PDE8A: variants seen among roughly 807,000 people sequenced by gnomAD.
PDE8A encodes phosphodiesterase 8A, also known as high affinity cAMP-specific and IBMX-insensitive 3',5'-cyclic phosphodiesterase 8A.
Under a neutral mutation model 105.0 loss-of-function variants are expected in PDE8A, and 59 were observed. That is an observed-to-expected ratio of 0.56 (90% CI 0.46 to 0.70). The LOEUF (loss-of-function observed/expected upper bound fraction) is 0.70, where lower values mean the gene tolerates loss of function less well. Ranked by LOEUF, PDE8A falls within the 30% of genes least tolerant of loss-of-function variation. PDE8A has a pLI of 0.00. For synonymous variants in PDE8A, 355 were observed against 371.9 expected (o/e 0.95, Z 0.52); for missense variants, 1,014 against 1,045.9 (o/e 0.97, Z 0.42).
intron 1 of PDE8A, among the ~76,000 whole-genome samples, chr15:85,051,098 C>T (rs746602554): frequency 6.6e-6 from 1 of 151,790 alleles, no homozygotes; most frequent in Non-Finnish European, 1.5e-5. Context: ...TTGTAATTTC[C>T]TTTTCAGATT....
chr15:85,081,383 C>T (rs1532776), intron 5 of PDE8A, among the ~76,000 whole-genome samples: 31,408 of 152,096 alleles, frequency 0.21, 4,277 homozygotes, highest in Middle Eastern at 0.33. Flanking sequence ...GAGGGGCCTG[C>T]ATGCTGGTGT....
chr15:85,123,254 G>A lies in PDE8A; in HGVS notation c.2085+61G>A, dbSNP rs16974903. The A allele has an allele frequency of 2.8e-5, 42 of 1,524,670 alleles. No homozygotes were observed. The East Asian group carries it at 7.7e-4, about 28-fold the overall frequency. 94.4% of individuals were successfully genotyped at this position (1,524,670 alleles called of 1,614,324 possible). A position where few individuals can be genotyped will look rare whatever the true frequency, so the allele number is the denominator to read the frequency against. On this transcript the variant is annotated intron_variant, in intron 19 of 21. Coordinates refer to ENST00000394553, the MANE Select transcript of PDE8A (RefSeq NM_002605.3). Reference sequence around the variant, plus strand: ...GGGGTCCTTGTACTGTTGTGTTATGGAGACACATGGGCTATGATATCAGCC... The same window carrying A: ...GGGGTCCTTGTACTGTTGTGTTATGAAGACACATGGGCTATGATATCAGCC...
At chr15:85,137,694 A>G (rs2141666957) in intron 21 of PDE8A, 103 bp from the exon 22 acceptor site, 2 of 738,362 alleles carry the variant, frequency 2.7e-6, no homozygotes, top group Non-Finnish European at 2.4e-6. Flanking sequence ...AGCCTCACGC[A>G]GATGCCTGCT....
intron 1 of PDE8A, among the ~76,000 whole-genome samples, chr15:85,028,358 G>T (rs1370531723): frequency 6.6e-6 from 1 of 152,094 alleles, no homozygotes; most frequent in Non-Finnish European, 1.5e-5. Context: ...GGGACTACAG[G>T]TGTGTGCCGG....
intron 1 of PDE8A, among the ~76,000 whole-genome samples, chr15:85,051,010 C>A (rs563027748): frequency 6.6e-6 from 1 of 152,208 alleles, no homozygotes; most frequent in East Asian, 1.9e-4. Flanking sequence ...TTCACTTGTA[C>A]AAATCTTTCA....
At chr15:85,014,729 A>T (rs2141340040) in intron 1 of PDE8A, among the ~76,000 whole-genome samples, 1 of 152,298 alleles carries the variant, frequency 6.6e-6, no homozygotes, top group Non-Finnish European at 1.5e-5. Flanking sequence ...TATCCTTGGG[A>T]TCACTCCATA....
chr15:84,985,140 C>G (rs892468420), intron 1 of PDE8A, among the ~76,000 whole-genome samples: 3 of 152,148 alleles, frequency 2.0e-5, no homozygotes, highest in African/African-American at 7.2e-5. Flanking sequence ...AGGTGTATGT[C>G]AGGCAGGCCA....
intron 8 of PDE8A, among the ~76,000 whole-genome samples, chr15:85,097,456 CACACCCTATAT>C (rs1257911882): frequency 3.3e-5 from 5 of 152,168 alleles, no homozygotes; most frequent in African/African-American, 7.2e-5. Context: ...TCTCATCCTC[CACACCCTATAT>C]ACAGGGGGTG....
At chr15:85,027,482 A>C (rs2080537802) in intron 1 of PDE8A, among the ~76,000 whole-genome samples, 1 of 152,222 alleles carries the variant, frequency 6.6e-6, no homozygotes, top group Non-Finnish European at 1.5e-5. Context: ...TGGGGTCTGC[A>C]AGAAAAGACA....
At chr15:85,080,115 A>G (rs1179068099) in intron 5 of PDE8A, among the ~76,000 whole-genome samples, 1 of 152,194 alleles carries the variant, frequency 6.6e-6, no homozygotes, top group Non-Finnish European at 1.5e-5. Context: ...TGATATTGAT[A>G]TTAATATCAG....
At chr15:85,045,152 C>A (rs1402806553) in intron 1 of PDE8A, among the ~76,000 whole-genome samples, 1 of 152,176 alleles carries the variant, frequency 6.6e-6, no homozygotes, top group African/African-American at 2.4e-5. Flanking sequence ...GCATTGCTGC[C>A]TCAGAGGGGC....
chr15:85,097,812 GAA>G, intron 8 of PDE8A, 134 bp from the exon 9 acceptor site: 1 of 619,768 alleles, frequency 1.6e-6, no homozygotes, highest in Non-Finnish European at 2.9e-6. Flanking sequence ...CCTATTACCT[GAA>G]ATCAGTTTGG....
At chr15:85,084,469 C>T (rs1485902596) in intron 6 of PDE8A, among the ~76,000 whole-genome samples, 2 of 152,196 alleles carry the variant, frequency 1.3e-5, no homozygotes, top group Non-Finnish European at 2.9e-5. Context: ...TTTTACGCTG[C>T]TAGATTTTGC....
At chr15:85,002,220 T>C (rs2080078598) in intron 1 of PDE8A, among the ~76,000 whole-genome samples, 1 of 152,122 alleles carries the variant, frequency 6.6e-6, no homozygotes, top group South Asian at 2.1e-4. Context: ...AGTAGGTCTT[T>C]AGGTTGCCCC....
intron 3 of PDE8A, among the ~76,000 whole-genome samples, chr15:85,072,151 A>G (rs2081320717): frequency 1.3e-5 from 2 of 152,248 alleles, no homozygotes; most frequent in Admixed American, 6.5e-5. Flanking sequence ...CAGATCCTTT[A>G]TACCATTATA....
intron 8 of PDE8A, among the ~76,000 whole-genome samples, chr15:85,092,920 CT>C (rs5814181): frequency 0.96 from 127,353 of 132,108 alleles, 61,325 homozygotes; most frequent in East Asian, 0.98. Context: ...TACTGCTTTC[CT>C]TTTTTTTTTT....
At chr15:84,985,633 A>G (rs925333892) in intron 1 of PDE8A, among the ~76,000 whole-genome samples, 1 of 152,150 alleles carries the variant, frequency 6.6e-6, no homozygotes, top group Admixed American at 6.5e-5. Flanking sequence ...ACCCCAACTA[A>G]TCAACTCTGT....
intron 1 of PDE8A, among the ~76,000 whole-genome samples, chr15:85,015,159 A>G (rs953078530): frequency 2.6e-5 from 4 of 152,024 alleles, no homozygotes; most frequent in African/African-American, 9.7e-5. Flanking sequence ...TGATCTGTCT[A>G]TACCTTAGCT....
At chr15:85,011,403 T>G in intron 1 of PDE8A, among the ~76,000 whole-genome samples, 1 of 152,202 alleles carries the variant, frequency 6.6e-6, no homozygotes, top group Middle Eastern at 3.2e-3. Context: ...TTTTTGACCT[T>G]TGGCAAGTTT....
Sources: gnomAD v4.1 joint callset for allele counts (sites outside exome capture counted in the v4.1 genomes callset) on GRCh38, gnomAD v4.1.1 for gene constraint, MANE v1.5 for transcripts, NCBI Gene and HGNC (gene_info 2026-07-23, HGNC 2026-07-21) for gene names.